The following HECTD4 variants were observed in gnomAD, a reference collection of about 807,000 sequenced individuals.
HECTD4 encodes the protein probable E3 ubiquitin-protein ligase HECTD4.
HECTD4 carries 114 observed loss-of-function variants against 471.5 expected under a neutral mutation model. That is an observed-to-expected ratio of 0.24 (90% CI 0.21 to 0.28). The LOEUF is 0.28. Ranked by LOEUF, HECTD4 falls within the 10% of genes least tolerant of loss-of-function variation. The pLI is 1.00. For missense variants in HECTD4, 3,866 were observed against 5,651.5 expected (o/e 0.68, Z 10.13); for synonymous variants, 2,012 against 2,256.0 (o/e 0.89, Z 3.07).
At chr12:112,217,312 CACACAT>C (rs1486791345) in intron 45 of HECTD4, 117 bp from the exon 46 acceptor site, 3 of 555,576 alleles carry the variant, frequency 5.4e-6, no homozygotes, top group Middle Eastern at 4.8e-4. Flanking sequence ...CACACACACA[CACACAT>C]ACACACACAC....
At chr12:112,374,003 CAAAAAAAAAA>C (rs1007853408) in intron 1 of HECTD4, among the ~76,000 whole-genome samples, 29 of 60,900 alleles carry the variant, frequency 4.8e-4, no homozygotes, top group Non-Finnish European at 8.7e-4. Context: ...GACTCTGTCT[CAAAAAAAAAA>C]AAAAAAAAAA....
chr12:112,221,090 C>T (rs1007468174), intron 44 of HECTD4, among the ~76,000 whole-genome samples: 3 of 150,920 alleles, frequency 2.0e-5, no homozygotes, highest in African/African-American at 4.9e-5. Context: ...CAGGTGGGAC[C>T]ACAGGCGTGA....
chr12:112,248,492 A>G lies in HECTD4; in HGVS notation c.3971T>C (p.Val1324Ala). The G allele has an allele frequency of 6.2e-7, 1 of 1,605,226 alleles. No individual in the cohort carries two copies. Among genetic ancestry groups the G allele is most frequent in the East Asian group, 2.2e-5 (1 of 44,784 alleles). Residue 1324 changes from valine (V) to alanine (A), a missense_variant, in exon 26 of 76, where the codon GTG (valine) becomes GCG (alanine). By Grantham distance (64) the Val-to-Ala change is moderately conservative. Around this residue, in one of 16 missense-constraint regions of HECTD4, gnomAD observed 281 missense variants for 499.9 expected, o/e 0.56. Transcript: ENST00000682272. ...ACAAGATACCACCATTTCCTCCATCACGTCTGGCTGAATCACTTCTCTGTG... is the reference window on the plus strand; with the variant it reads ...ACAAGATACCACCATTTCCTCCATCGCGTCTGGCTGAATCACTTCTCTGTG... ...PSIKEVIQPDVMEEMVVSCVI... is the reference protein window; with the variant it reads ...PSIKEVIQPDAMEEMVVSCVI...
chr12:112,375,299 C>T (rs142838242), intron 1 of HECTD4, among the ~76,000 whole-genome samples: 2 of 152,288 alleles, frequency 1.3e-5, no homozygotes, highest in African/African-American at 2.4e-5. Flanking sequence ...CACCTGCTGA[C>T]GGACATTTGG....
At position 112,236,265 on chromosome 12, in the gene HECTD4, G is replaced by C. The variant is rs568419472; in HGVS notation, c.5445-481C>G. ...TGGATCCTGGTAAACCAGGTTAAGG[G>C]AGAGGGGAGAAGCATTCTATAATAA... On this transcript the variant is annotated intron_variant, in intron 35 of 75. Coordinates refer to ENST00000682272, the MANE Select transcript of HECTD4 (RefSeq NM_001388303.1). 2.0e-5 allele frequency among the ~76,000 whole-genome samples: 3 copies of C among 152,368 alleles called. No individual in the cohort carries two copies. In the East Asian group the frequency reaches 5.8e-4, roughly 29 times the overall value.
At chr12:112,246,507 G>A (rs2033765285) in intron 29 of HECTD4, among the ~76,000 whole-genome samples, 1 of 151,970 alleles carries the variant, frequency 6.6e-6, no homozygotes, top group Non-Finnish European at 1.5e-5. Flanking sequence ...GGTGGCATGC[G>A]CCTGTAATCC....
intron 20 of HECTD4, chr12:112,256,781 T>C (rs2052346918): frequency 7.8e-6 from 2 of 255,702 alleles, no homozygotes; most frequent in South Asian, 1.7e-4. Flanking sequence ...TATATTTTCA[T>C]TTTTCCCTCT....
rs762098805 is a variant in HECTD4 at position 112,270,412 on chromosome 12, C to T, written c.1990G>A (p.Val664Ile). The T allele has an allele frequency of 4.3e-6, 7 of 1,613,850 alleles. No individual in the cohort carries two copies. The highest frequency in any genetic ancestry group is 2.2e-5 in the South Asian group (2 of 91,086). The change falls in exon 12 of 76, where the codon GTT (valine) becomes ATT (isoleucine). Residue 664 changes from valine to isoleucine, a missense_variant. Coordinates refer to ENST00000682272, the MANE Select transcript of HECTD4 (RefSeq NM_001388303.1). The stretch of plus-strand genomic sequence containing the variant: ...AGTTGGTGTATGCACATCGCACCAA[C>T]GTGGTGCAATAATTGGTTTATAACC... ...NEVINQLLHH[V>I]GAMCIHQLNL...
At position 112,319,246 on chromosome 12, in the gene HECTD4, A is replaced by T. The variant is rs2035541374; in HGVS notation, c.674T>A (p.Leu225Gln). ...TTACCTGGCACAAGCCAAAGCCACC[A>T]GGGCAGCAGCAGCATTTTCTTTTTG... ...HKQKENAAAALVALACARGSL... is the reference protein window; with the variant it reads ...HKQKENAAAAQVALACARGSL... The change falls in exon 2 of 76, where the codon CTG becomes CAG. Residue 225 changes from leucine to glutamine, a missense_variant. Physicochemically the swap from Leu to Gln is moderately radical, Grantham distance 113 (BLOSUM62 -2). Coordinates refer to ENST00000682272, the MANE Select transcript of HECTD4 (RefSeq NM_001388303.1). The surrounding 1 kb of genome is among the most constrained non-coding windows in gnomAD (Gnocchi z 5.3). 2 of 1,536,052 alleles carry T rather than the reference A, an allele frequency of 1.3e-6. No homozygotes were observed. Among genetic ancestry groups the T allele is most frequent in the Non-Finnish European group, 1.7e-6 (2 of 1,146,900 alleles).
chr12:112,307,370 C>T (rs1259759392), intron 6 of HECTD4, among the ~76,000 whole-genome samples: 9 of 152,204 alleles, frequency 5.9e-5, no homozygotes, highest in African/African-American at 2.2e-4. Context: ...CCCCAAAGTG[C>T]TCCATTGCAA....
At position 112,250,483 on chromosome 12, in the gene HECTD4, G is replaced by A. The variant is rs909799019; in HGVS notation, c.3717-106C>T. On this transcript the variant is annotated intron_variant, in intron 24 of 75. Transcript: ENST00000682272. ...AAACATATGAAGGATCACATTCTGT[G>A]TTAAGTAATTACTCATCAAACCTTC... The A allele has an allele frequency of 1.8e-5, 14 of 798,402 alleles. No homozygotes were observed. In the African/African-American group the frequency reaches 1.9e-4, roughly 11 times the overall value. The allele number at this position is 798,402 out of a possible 1,614,324, so 49.5% of individuals were successfully genotyped here. A position where few individuals can be genotyped will look rare whatever the true frequency, so the allele number is the denominator to read the frequency against.
intron 70 of HECTD4, among the ~76,000 whole-genome samples, chr12:112,168,354 A>G (rs541806406): frequency 1.4e-4 from 21 of 152,274 alleles, no homozygotes; most frequent in Non-Finnish European, 2.6e-4. Context: ...TGCCTCCCCC[A>G]GTGCCCGGGC....
intron 1 of HECTD4, among the ~76,000 whole-genome samples, chr12:112,361,431 G>A (rs1418687653): frequency 6.6e-6 from 1 of 151,784 alleles, no homozygotes; most frequent in East Asian, 1.9e-4. Context: ...CACCACACCT[G>A]GCTAATTTTC....
intron 45 of HECTD4, 123 bp from the exon 46 acceptor site, chr12:112,217,318 T>TACACACACACACACAC (rs201184790): frequency 2.3e-6 from 1 of 428,524 alleles, no homozygotes; most frequent in South Asian, 5.4e-5. Flanking sequence ...CACACACACA[T>TACACACACACACACAC]ACACACACAC....
chr12:112,318,864 G>C (rs2035536238), intron 2 of HECTD4, among the ~76,000 whole-genome samples: 1 of 152,106 alleles, frequency 6.6e-6, no homozygotes, highest in African/African-American at 2.4e-5. Context: ...ATAAAGTTTT[G>C]ACCATCCTCC....
intron 7 of HECTD4, among the ~76,000 whole-genome samples, chr12:112,305,281 C>T (rs926135996): frequency 6.6e-6 from 1 of 150,410 alleles, no homozygotes; most frequent in African/African-American, 2.5e-5. Flanking sequence ...GGATCTAAAG[C>T]GCCGTGGCTC....
intron 44 of HECTD4, chr12:112,226,412 A>G: frequency 5.2e-6 from 2 of 381,162 alleles, no homozygotes; most frequent in Non-Finnish European, 9.3e-6. Context: ...AAACACTCTG[A>G]CATGGTCCTA....
chr12:112,258,524 G>A lies in HECTD4; in HGVS notation c.3100C>T (p.Gln1034Ter). The A allele has an allele frequency of 6.2e-7, 1 of 1,602,512 alleles. No homozygotes were observed. The highest frequency in any genetic ancestry group is 8.5e-7 in the Non-Finnish European group (1 of 1,175,432). ...TCATCAGGGAACAGCCTGCACTTCT[G>A]GTCTGGTGCACCACACGGGGAACAG... ...VGCSPCGAPD[Q>*]KCRLFPDERM... Residue 1034 changes from glutamine to a stop codon, truncating the protein, a stop_gained, in exon 20 of 76, where the codon CAG becomes TAG. Transcript: ENST00000682272. LOFTEE classifies it high-confidence loss of function.
chr12:112,193,604 G>C lies in HECTD4; in HGVS notation c.8820C>G (p.Cys2940Trp), dbSNP rs1218441855. 1 of 1,613,188 alleles carries C rather than the reference G, an allele frequency of 6.2e-7. No individual in the cohort carries two copies. The highest frequency in any genetic ancestry group is 8.5e-7 in the Non-Finnish European group (1 of 1,179,620). The change falls in exon 57 of 76, where the codon TGC (cysteine) becomes TGG (tryptophan). Residue 2940 changes from cysteine to tryptophan, a missense_variant. Transcript: ENST00000682272. This position sits in a 1 kb window ranked among gnomAD's most constrained non-coding sequence, Gnocchi z 5.2. ...SLQHCIHSQN[C>W]SATDLFYQGN... ...CCTGGTAAAAGAGGTCCGTGGCGGA[G>C]CAGTTCTGGGAATGGATGCAATGCT...
Sources: allele counts gnomAD v4.1 joint callset (sites outside exome capture counted in the v4.1 genomes callset), GRCh38; gene constraint gnomAD v4.1.1; regional missense constraint gnomAD v4.1.1; non-coding constraint Gnocchi (gnomAD v3.1); transcripts MANE v1.5; gene names NCBI Gene and HGNC (gene_info 2026-07-23, HGNC 2026-07-21).